The following PDE1C variants were observed in gnomAD, a reference collection of about 807,000 sequenced individuals.
PDE1C encodes phosphodiesterase 1C, also known as dual specificity calcium/calmodulin-dependent 3',5'-cyclic nucleotide phosphodiesterase 1C.
PDE1C carries 62 observed loss-of-function variants against 93.1 expected under a neutral mutation model. That is an observed-to-expected ratio of 0.67 (90% confidence interval 0.54 to 0.82). PDE1C has a LOEUF of 0.82. PDE1C is among the 40% of genes least tolerant of loss of function. The pLI is 0.00. For missense variants in PDE1C, 742 were observed against 884.6 expected (o/e 0.84, Z 2.04); for synonymous variants, 325 against 310.1 (o/e 1.05, Z -0.50).
intron 2 of PDE1C, among the ~76,000 whole-genome samples, chr7:32,180,749 A>G (rs1018042453): frequency 3.3e-5 from 5 of 152,252 alleles, no homozygotes; most frequent in Non-Finnish European, 7.3e-5. Flanking sequence ...GAATTTTCCA[A>G]AAACATATAC....
intron 14 of PDE1C, among the ~76,000 whole-genome samples, chr7:31,819,258 T>C (rs749890741): frequency 6.6e-6 from 1 of 152,022 alleles, no homozygotes; most frequent in Non-Finnish European, 1.5e-5. Context: ...AACTCAAAAT[T>C]TGTAGACTGA....
chr7:32,206,733 A>G lies in PDE1C; in HGVS notation c.136+2756T>C, dbSNP rs185558341. On this transcript the variant is annotated intron_variant, in intron 2 of 18. Coordinates refer to the PDE1C transcript ENST00000396193. ...GGTATTCTTCTAGCTCACCCTGCCCACTGCAGAGCATGGCAGTGCCCACAC... is the reference window on the plus strand; with the variant it reads ...GGTATTCTTCTAGCTCACCCTGCCCGCTGCAGAGCATGGCAGTGCCCACAC... Among the ~76,000 whole-genome samples, 240 of 152,346 alleles carry G rather than the reference A, an allele frequency of 1.6e-3. 2 individuals carry two copies. Among genetic ancestry groups the G allele is most frequent in the Admixed American group, 0.014 (221 of 15,308 alleles).
At chr7:32,298,800 G>A (rs1812793011) in exon 1 of PDE1C, 1 of 1,532,180 alleles carries the variant, frequency 6.5e-7, no homozygotes, top group Non-Finnish European at 8.7e-7. Flanking sequence ...CCCCCACGGC[G>A]GAGTGAGCAG....
chr7:32,364,184 T>C (rs1784188103), intron 1 of PDE1C, among the ~76,000 whole-genome samples: 1 of 152,230 alleles, frequency 6.6e-6, no homozygotes, highest in Non-Finnish European at 1.5e-5. Context: ...TATCCTGTAT[T>C]AGCTTACTGG....
the PDE1C span, chr7:31,652,613 T>C: frequency 1.2e-6 from 2 of 1,613,562 alleles, no homozygotes; most frequent in Non-Finnish European, 8.5e-7. Context: ...CTTCATGTTC[T>C]AAAATCCACC....
rs962527605 is a variant in PDE1C, at chr7:31,847,792, G to T, written c.980+176C>A. 6.4e-6 allele frequency: 4 copies of T among 621,574 alleles called. No individual in the cohort carries two copies. The Admixed American group carries it at 8.8e-5, about 14-fold the overall frequency. The allele number at this position is 621,574 out of a possible 1,614,324, so 38.5% of individuals were successfully genotyped here. The stretch of plus-strand genomic sequence containing the variant: ...TGAATATCTGTATAAAGAAAAAAGA[G>T]AAATAAGACATACATACATACACAA... On this transcript the variant is annotated intron_variant, in intron 9 of 17. Transcript: ENST00000396191.
At chr7:31,920,153 C>G (rs1802416818) in intron 2 of PDE1C, among the ~76,000 whole-genome samples, 1 of 152,178 alleles carries the variant, frequency 6.6e-6, no homozygotes, top group Non-Finnish European at 1.5e-5. Flanking sequence ...GTGGGCTCAA[C>G]GTCCTACCCA....
chr7:32,156,498 T>C (rs576255797), intron 3 of PDE1C, among the ~76,000 whole-genome samples: 31 of 152,312 alleles, frequency 2.0e-4, no homozygotes, highest in African/African-American at 6.0e-4. Context: ...ATTTCTACCC[T>C]TTAGGGTTGA....
intron 1 of PDE1C, among the ~76,000 whole-genome samples, chr7:32,261,973 G>A (rs1432945724): frequency 6.9e-6 from 1 of 144,970 alleles, no homozygotes; most frequent in African/African-American, 2.5e-5. Context: ...CTGACCCTGA[G>A]AAGGATGGCT....
chr7:32,171,732 A>G (rs1382479766), intron 2 of PDE1C, among the ~76,000 whole-genome samples: 2 of 149,648 alleles, frequency 1.3e-5, no homozygotes, highest in African/African-American at 5.1e-5. Flanking sequence ...ATTATATGAC[A>G]ATACTACATC....
At chr7:32,311,713 G>A (rs1293700391) in intron 1 of PDE1C, among the ~76,000 whole-genome samples, 2 of 151,976 alleles carry the variant, frequency 1.3e-5, no homozygotes, top group Admixed American at 6.6e-5. Flanking sequence ...AACCCTTCAT[G>A]CTAAAAACTC....
At position 32,298,025 on chromosome 7, in the gene PDE1C, T is replaced by G. The variant is rs866518874; in HGVS notation, c.85+626A>C. ...CTCTCTCTCTCTCTCTCCCTCTCTCTCTCTCTCTCTCTCTCTCTCTCTCTC... is the reference window on the plus strand; with the variant it reads ...CTCTCTCTCTCTCTCTCCCTCTCTCGCTCTCTCTCTCTCTCTCTCTCTCTC... On this transcript the variant is annotated intron_variant, in intron 1 of 18. Coordinates refer to the PDE1C transcript ENST00000396193. 2.0e-3 allele frequency among the ~76,000 whole-genome samples: 88 copies of G among 44,912 alleles called. 3 individuals are homozygous for G. Among genetic ancestry groups the G allele is most frequent in the African/African-American group, 8.3e-3 (80 of 9,630 alleles). 29.5% of individuals were successfully genotyped at this position (44,912 alleles called of 152,430 possible). A position where few individuals can be genotyped will look rare whatever the true frequency, so the allele number is the denominator to read the frequency against.
At chr7:31,883,456 A>G (rs549300460) in intron 2 of PDE1C, among the ~76,000 whole-genome samples, 2 of 152,354 alleles carry the variant, frequency 1.3e-5, no homozygotes, top group African/African-American at 2.4e-5. Context: ...AGGACAACTA[A>G]ACATGAAAAT....
the PDE1C span, among the ~76,000 whole-genome samples, chr7:31,733,271 T>A: frequency 6.6e-6 from 1 of 152,180 alleles, no homozygotes; most frequent in Non-Finnish European, 1.5e-5. Flanking sequence ...GGATCTCTAA[T>A]CTTTGATTAT....
At chr7:32,340,276 G>A (rs964164576) in intron 1 of PDE1C, among the ~76,000 whole-genome samples, 8 of 152,278 alleles carry the variant, frequency 5.3e-5, no homozygotes, top group African/African-American at 1.9e-4. Context: ...AGGAAATAAA[G>A]AGTTCCCAAT....
intron 2 of PDE1C, among the ~76,000 whole-genome samples, chr7:31,899,132 CTTTTTTTTT>C (rs386409838): frequency 3.5e-5 from 3 of 85,020 alleles, no homozygotes; most frequent in Non-Finnish European, 4.5e-5. Context: ...GGCAGTCCCA[CTTTTTTTTT>C]TTTTTTTTTT....
chr7:32,347,648 G>C (rs866402621), intron 1 of PDE1C, among the ~76,000 whole-genome samples: 1 of 152,120 alleles, frequency 6.6e-6, no homozygotes, highest in Non-Finnish European at 1.5e-5. Flanking sequence ...TGAAGAAGTC[G>C]GCTGCTATGT....
intron 2 of PDE1C, among the ~76,000 whole-genome samples, chr7:31,894,189 T>G (rs1798985728): frequency 6.6e-6 from 1 of 152,226 alleles, no homozygotes; most frequent in Admixed American, 6.5e-5. Flanking sequence ...TACGTGAGAA[T>G]TTTTAAAGCT....
chr7:32,013,212 T>C (rs781235554), intron 2 of PDE1C, among the ~76,000 whole-genome samples: 12 of 152,170 alleles, frequency 7.9e-5, no homozygotes, highest in Non-Finnish European at 1.5e-4. Flanking sequence ...TAAAATCAAA[T>C]TTTCAAATAT....
Sources: gnomAD v4.1 joint callset for allele counts (sites outside exome capture counted in the v4.1 genomes callset) on GRCh38, gnomAD v4.1.1 for gene constraint, MANE v1.5 for transcripts, NCBI Gene and HGNC (gene_info 2026-07-23, HGNC 2026-07-21) for gene names.